ADCY1: variants seen among roughly 807,000 people sequenced by gnomAD.
ADCY1 encodes the protein adenylate cyclase type 1.
A neutral mutation model predicts 105.4 loss-of-function variants in ADCY1; 28 were observed. The observed-to-expected ratio is 0.27, with a 90% CI of 0.20 to 0.36. The LOEUF is 0.36. Ranked by LOEUF, ADCY1 falls within the 10% of genes least tolerant of loss-of-function variation. The pLI, the probability that ADCY1 is intolerant of heterozygous loss-of-function variation, is 1.00. For synonymous variants in ADCY1, 655 were observed against 623.8 expected, an observed-to-expected ratio of 1.05 and a Z score of -0.75; for missense variants, 977 against 1,434.2, an observed-to-expected ratio of 0.68 and a Z score of 5.15.
chr7:45,699,040 G>A (rs1433224776), intron 14 of ADCY1, among the ~76,000 whole-genome samples: 1 of 152,240 alleles, frequency 6.6e-6, no homozygotes, highest in Non-Finnish European at 1.5e-5. Context: ...ATGGTGTGAG[G>A]CCTGGGGAGG....
intron 4 of ADCY1, among the ~76,000 whole-genome samples, chr7:45,639,932 A>G (rs532401334): frequency 6.6e-6 from 1 of 152,366 alleles, no homozygotes; most frequent in Admixed American, 6.5e-5. Flanking sequence ...ACATGGACAC[A>G]TCAGTAGACA....
chr7:45,589,810 G>A (rs1197815094), intron 1 of ADCY1, among the ~76,000 whole-genome samples: 1 of 151,944 alleles, frequency 6.6e-6, no homozygotes, highest in Non-Finnish European at 1.5e-5. Flanking sequence ...TTGAAGGGAG[G>A]CAGTGCCCAG....
At chr7:45,711,847 T>C (rs1468745234) in intron 19 of ADCY1, among the ~76,000 whole-genome samples, 4 of 133,622 alleles carry the variant, frequency 3.0e-5, no homozygotes, top group Non-Finnish European at 4.6e-5. Context: ...TATTTAAATA[T>C]TAATATTAAT....
Position 45,681,600 on chromosome 7 carries a change from G to A in ADCY1, c.1983+1807G>A, listed in dbSNP as rs533884478. ...ACTTCTCAGCTAGGACAGGAGAGGG[G>A]ATTCAGCTCACAGCCAGTGTGTACT... On this transcript the variant is annotated intron_variant, in intron 11 of 19. Transcript: ENST00000297323. Among the ~76,000 whole-genome samples the A allele has an allele frequency of 1.9e-3, 294 of 152,302 alleles. 1 individual carries two copies. Among genetic ancestry groups the A allele is most frequent in the African/African-American group, 6.8e-3 (284 of 41,560 alleles).
intron 1 of ADCY1, among the ~76,000 whole-genome samples, chr7:45,584,385 C>T (rs1053675417): frequency 1.3e-5 from 2 of 152,184 alleles, no homozygotes; most frequent in East Asian, 1.9e-4. Context: ...CAACAGGTGG[C>T]GTGGGGCCCA....
chr7:45,575,242 G>T lies in ADCY1; in HGVS notation c.639+60G>T. The T allele has an allele frequency of 6.6e-7, 1 of 1,511,808 alleles. No homozygotes were observed. The allele number at this position is 1,511,808 out of a possible 1,614,324, so 93.6% of individuals were successfully genotyped here. A position where few individuals can be genotyped will look rare whatever the true frequency, so the allele number is the denominator to read the frequency against. The stretch of plus-strand genomic sequence containing the variant: ...GACACACTTGCTGGGACGATGCTGG[G>T]AATGCCCGGAGTCGGGCGCGCTTTT... On this transcript the variant is annotated intron_variant, in intron 1 of 19. Transcript: ENST00000297323. The surrounding 1 kb of genome is among the most constrained non-coding windows in gnomAD (Gnocchi z 4.7).
chr7:45,657,624 AC>A, intron 5 of ADCY1, 102 bp from the exon 6 acceptor site: 2 of 1,254,518 alleles, frequency 1.6e-6, no homozygotes, highest in Non-Finnish European at 2.2e-6. Flanking sequence ...CAAGGACAAG[AC>A]CCAGTTTCCC....
Position 45,703,729 on chromosome 7 carries a change from A to T in ADCY1, c.2701A>T (p.Ile901Phe). 1 of 1,587,088 alleles carries T rather than the reference A, an allele frequency of 6.3e-7. No homozygotes were observed. Among genetic ancestry groups the T allele is most frequent in the Non-Finnish European group, 8.6e-7 (1 of 1,164,922 alleles). The change falls in exon 16 of 20, where the codon ATC becomes TTC. Residue 901 changes from isoleucine to phenylalanine, a missense_variant. By Grantham distance (21) the Ile-to-Phe change is conservative. This residue lies in a region of ADCY1 where 152 missense variants were observed against 293.7 expected (regional missense o/e 0.52). Coordinates refer to ENST00000297323, the MANE Select transcript of ADCY1 (RefSeq NM_021116.4). This position sits in a 1 kb window ranked among gnomAD's most constrained non-coding sequence, Gnocchi z 5.9. ...GTGTCTGCGGCTTCTCAACGAGATC[A>T]TCGCCGACTTTGACGAGGTGAGGCT... ...VECLRLLNEIIADFDELMEKD... is the reference protein window; with the variant it reads ...VECLRLLNEIFADFDELMEKD...
intron 11 of ADCY1, among the ~76,000 whole-genome samples, chr7:45,681,185 G>A (rs962828730): frequency 1.3e-5 from 2 of 152,238 alleles, no homozygotes; most frequent in East Asian, 1.9e-4. Flanking sequence ...CACATGATCT[G>A]TGGGATTGGG....
At chr7:45,696,973 A>G (rs1433480147) in intron 14 of ADCY1, among the ~76,000 whole-genome samples, 1 of 152,136 alleles carries the variant, frequency 6.6e-6, no homozygotes, top group Non-Finnish European at 1.5e-5. Context: ...GCTGAAGAGG[A>G]CTTCCTGGAG....
intron 2 of ADCY1, among the ~76,000 whole-genome samples, chr7:45,602,087 C>T (rs1793254746): frequency 6.6e-6 from 1 of 151,852 alleles, no homozygotes; most frequent in South Asian, 2.1e-4. Context: ...CAGGTAGAGG[C>T]AGGGAGGTGG....
Position 45,657,768 on chromosome 7 carries a change from T to TGGGTCTGCACACGGGCA in ADCY1, c.1196_1212dup (p.Leu405CysfsTer25). The TGGGTCTGCACACGGGCA allele has an allele frequency of 6.2e-7, 1 of 1,614,058 alleles. No individual in the cohort carries two copies. Among genetic ancestry groups the TGGGTCTGCACACGGGCA allele is most frequent in the Non-Finnish European group, 8.5e-7 (1 of 1,179,986 alleles). ...ACCGAGGTGGATCTGAACATGCGTGTGGGTCTGCACACGGGCAGGGTCCTC... is the reference window on the plus strand; with the variant it reads ...ACCGAGGTGGATCTGAACATGCGTGTGGGTCTGCACACGGGCAGGGTCTGCACACGGGCAGGGTCCTC... On this transcript the variant is annotated frameshift_variant, in exon 6 of 20. Transcript: ENST00000297323. LOFTEE classifies it high-confidence loss of function.
At chr7:45,659,167 G>T (rs566441319) in intron 6 of ADCY1, among the ~76,000 whole-genome samples, 5 of 152,292 alleles carry the variant, frequency 3.3e-5, no homozygotes, top group African/African-American at 1.2e-4. Flanking sequence ...GAAAGGCCTC[G>T]TGATCTCCTG....
Position 45,708,523 on chromosome 7 carries a change from AG to A in ADCY1, c.2932+63del. The A allele has an allele frequency of 3.0e-6, 4 of 1,314,204 alleles. No homozygotes were observed. The highest frequency in any genetic ancestry group is 2.2e-6 in the Non-Finnish European group (2 of 912,222). The allele number at this position is 1,314,204 out of a possible 1,614,324, so 81.4% of individuals were successfully genotyped here. A position where few individuals can be genotyped will look rare whatever the true frequency, so the allele number is the denominator to read the frequency against. ...GTGGAACACCTTCCTACACCCACCTAGGGGTGGGATCAGCTGATGAGGTACC... is the reference window on the plus strand; with the variant it reads ...GTGGAACACCTTCCTACACCCACCTAGGGTGGGATCAGCTGATGAGGTACC... On this transcript the variant is annotated intron_variant, in intron 18 of 19. Coordinates refer to ENST00000297323, the MANE Select transcript of ADCY1 (RefSeq NM_021116.4). The surrounding 1 kb of genome is among the most constrained non-coding windows in gnomAD (Gnocchi z 4.7).
chr7:45,678,118 G>A (rs993783193), intron 9 of ADCY1, 48 bp from the exon 10 acceptor site: 2 of 1,613,664 alleles, frequency 1.2e-6, no homozygotes, highest in Non-Finnish European at 1.7e-6. Context: ...GCGCTGCCTG[G>A]CTGGAGGAAG....
chr7:45,709,356 GC>G (rs893176685), intron 18 of ADCY1, among the ~76,000 whole-genome samples: 5 of 152,226 alleles, frequency 3.3e-5, no homozygotes, highest in Non-Finnish European at 7.3e-5. Context: ...GGCAAGCCCA[GC>G]CCTGTGTCTC....
chr7:45,698,789 C>T (rs950493635), intron 14 of ADCY1, among the ~76,000 whole-genome samples: 6 of 152,174 alleles, frequency 3.9e-5, no homozygotes, highest in East Asian at 3.9e-4. Flanking sequence ...TGGGGAGCTG[C>T]GACCTCTCCC....
At chr7:45,651,405 T>A (rs1794806960) in intron 5 of ADCY1, among the ~76,000 whole-genome samples, 1 of 152,180 alleles carries the variant, frequency 6.6e-6, no homozygotes, top group Non-Finnish European at 1.5e-5. Flanking sequence ...ATGGAATATG[T>A]TTATCAACAG....
At position 45,591,496 on chromosome 7, in the gene ADCY1, T is replaced by C. The variant is rs1032567529; in HGVS notation, c.640-1263T>C. Among the ~76,000 whole-genome samples the C allele has an allele frequency of 6.6e-6, 1 of 152,220 alleles. No homozygotes were observed. The highest frequency in any genetic ancestry group is 1.5e-5 in the Non-Finnish European group (1 of 68,036). ...ATTCACATGTGGGGGTGTTTGTGGT[T>C]AATCTGTGTGGAGCAGTGACAGCCG... On this transcript the variant is annotated intron_variant, in intron 1 of 19. Coordinates refer to ENST00000297323, the MANE Select transcript of ADCY1 (RefSeq NM_021116.4). This position sits in a 1 kb window ranked among gnomAD's most constrained non-coding sequence, Gnocchi z 4.1.
Sources: gnomAD v4.1 joint callset for allele counts (sites outside exome capture counted in the v4.1 genomes callset) on GRCh38, gnomAD v4.1.1 for gene constraint, gnomAD v4.1.1 regional missense constraint, Gnocchi (gnomAD v3.1) non-coding constraint, MANE v1.5 for transcripts, NCBI Gene and HGNC (gene_info 2026-07-23, HGNC 2026-07-21) for gene names.